FSTL4: variants seen among roughly 807,000 people sequenced by gnomAD.
The protein encoded by FSTL4 is follistatin-related protein 4.
In FSTL4, 28 loss-of-function variants were observed where a neutral mutation model predicts 78.2. The observed-to-expected ratio is 0.36, with a 90% CI of 0.27 to 0.49. FSTL4 has a LOEUF of 0.49. FSTL4 is among the 20% of genes least tolerant of loss of function. The probability of loss-of-function intolerance (pLI) is 0.98; values close to 1 mark genes in which losing one functional copy is unlikely to be tolerated. For synonymous variants in FSTL4, 422 were observed against 440.5 expected (o/e 0.96, Z 0.53); for missense variants, 922 against 1,084.9 (o/e 0.85, Z 2.11).
the FSTL4 span, among the ~76,000 whole-genome samples, chr5:133,655,523 T>C: frequency 6.6e-6 from 1 of 152,226 alleles, no homozygotes; most frequent in South Asian, 2.1e-4. Context: ...AAGAGTCATT[T>C]ACTAAACAAA....
chr5:133,450,464 G>A (rs1339001704), intron 3 of FSTL4, among the ~76,000 whole-genome samples: 1 of 152,206 alleles, frequency 6.6e-6, no homozygotes, highest in Non-Finnish European at 1.5e-5. Flanking sequence ...GAGCACTCAC[G>A]GCCCACAGGG....
the FSTL4 span, among the ~76,000 whole-genome samples, chr5:133,724,310 C>T: frequency 6.6e-6 from 1 of 152,124 alleles, no homozygotes; most frequent in Non-Finnish European, 1.5e-5. Flanking sequence ...CTCTTGGTTC[C>T]AAGATGATCC....
At chr5:133,659,358 CCTTT>C in the FSTL4 span, among the ~76,000 whole-genome samples, 1 of 151,884 alleles carries the variant, frequency 6.6e-6, no homozygotes, top group African/African-American at 2.4e-5. Context: ...CCTCATTTTC[CCTTT>C]CTAATAGTTT....
At chr5:133,353,610 C>A (rs1754876795) in intron 4 of FSTL4, among the ~76,000 whole-genome samples, 1 of 152,168 alleles carries the variant, frequency 6.6e-6, no homozygotes, top group African/African-American at 2.4e-5. Flanking sequence ...GGGGGTGGGA[C>A]AACCAGAGTC....
the FSTL4 span, among the ~76,000 whole-genome samples, chr5:133,804,246 C>T: frequency 6.6e-6 from 1 of 152,126 alleles, no homozygotes; most frequent in African/African-American, 2.4e-5. Flanking sequence ...CCACAGTGGC[C>T]CAAAGGAAAA....
the FSTL4 span, among the ~76,000 whole-genome samples, chr5:133,816,396 G>A: frequency 1.6e-4 from 24 of 152,304 alleles, no homozygotes; most frequent in South Asian, 4.4e-3. Flanking sequence ...TGCTGATTCG[G>A]ATCCTTCCAA....
chr5:133,457,525 C>G (rs1272283416), intron 3 of FSTL4, among the ~76,000 whole-genome samples: 1 of 152,214 alleles, frequency 6.6e-6, no homozygotes, highest in African/African-American at 2.4e-5. Flanking sequence ...CTCCTTTATC[C>G]AATGCCTTTC....
intron 6 of FSTL4, among the ~76,000 whole-genome samples, chr5:133,262,469 T>C (rs184508343): frequency 6.6e-6 from 1 of 152,308 alleles, no homozygotes; most frequent in Admixed American, 6.5e-5. Flanking sequence ...ACATGCATGC[T>C]TGTTCAATAC....
rs985643246 is a variant in FSTL4 at position 133,440,010 on chromosome 5, C to T, written c.161-39024G>A. Among the ~76,000 whole-genome samples, 10 of 152,158 alleles carry T rather than the reference C, an allele frequency of 6.6e-5. No homozygotes were observed. The highest frequency in any genetic ancestry group is 1.5e-4 in the Non-Finnish European group (10 of 68,020). On this transcript the variant is annotated intron_variant, in intron 3 of 15. Coordinates refer to ENST00000265342, the MANE Select transcript of FSTL4 (RefSeq NM_015082.2). The surrounding 1 kb of genome is among the most constrained non-coding windows in gnomAD (Gnocchi z 4.1). ...ATAGAGGATCTGTTCAGTCATGCTG[C>T]AGACCCACAGTTCTTAGTGAGCAGA...
At chr5:133,487,651 G>C (rs1410403685) in intron 3 of FSTL4, among the ~76,000 whole-genome samples, 12 of 152,128 alleles carry the variant, frequency 7.9e-5, no homozygotes, top group Admixed American at 7.2e-4. Context: ...AGTAAAGGAG[G>C]GTTGGCCATG....
At chr5:133,437,485 G>GT (rs11401684) in intron 3 of FSTL4, among the ~76,000 whole-genome samples, 32,677 of 95,506 alleles carry the variant, frequency 0.34, 7,140 homozygotes, top group African/African-American at 0.51. Context: ...GTAAATAGGT[G>GT]TTTTTTTTTT....
chr5:133,492,815 A>C (rs1405402222), intron 3 of FSTL4, among the ~76,000 whole-genome samples: 1 of 151,966 alleles, frequency 6.6e-6, no homozygotes, highest in African/African-American at 2.4e-5. Context: ...TTGTTCTTCA[A>C]AACTCTTAAT....
chr5:133,521,715 C>T (rs1758985159), intron 3 of FSTL4, among the ~76,000 whole-genome samples: 1 of 152,172 alleles, frequency 6.6e-6, no homozygotes, highest in African/African-American at 2.4e-5. Flanking sequence ...GAGACGAACC[C>T]TATTAACTCT....
At chr5:133,728,321 C>G in the FSTL4 span, among the ~76,000 whole-genome samples, 1 of 152,354 alleles carries the variant, frequency 6.6e-6, no homozygotes, top group East Asian at 1.9e-4. Flanking sequence ...CTCCCAGGTA[C>G]AGGTTCAGAG....
At chr5:133,492,655 A>G (rs1393791462) in intron 3 of FSTL4, among the ~76,000 whole-genome samples, 1 of 152,066 alleles carries the variant, frequency 6.6e-6, no homozygotes, top group Non-Finnish European at 1.5e-5. Context: ...ATTGTAACAT[A>G]ATTTGTATTT....
the FSTL4 span, among the ~76,000 whole-genome samples, chr5:133,745,737 C>A: frequency 2.0e-5 from 3 of 152,220 alleles, no homozygotes; most frequent in African/African-American, 7.2e-5. Flanking sequence ...GCTAAAACTG[C>A]CACTTGTCAG....
the FSTL4 span, among the ~76,000 whole-genome samples, chr5:133,783,431 G>T: frequency 1.3e-5 from 2 of 152,156 alleles, no homozygotes; most frequent in African/African-American, 4.8e-5. Flanking sequence ...AAGGCATCCT[G>T]GTTTAGGTGA....
chr5:133,301,584 A>T (rs951356778), intron 6 of FSTL4, among the ~76,000 whole-genome samples: 10 of 151,994 alleles, frequency 6.6e-5, no homozygotes, highest in African/African-American at 2.4e-4. Context: ...GTGGAGGGGG[A>T]GAGAGTCCTT....
At chr5:133,519,711 G>C (rs1317548078) in intron 3 of FSTL4, among the ~76,000 whole-genome samples, 3 of 152,142 alleles carry the variant, frequency 2.0e-5, no homozygotes, top group South Asian at 2.1e-4. Flanking sequence ...AGAGAATTTT[G>C]TTGTTTAGCA....
Sources: allele counts gnomAD v4.1 joint callset (sites outside exome capture counted in the v4.1 genomes callset), GRCh38; gene constraint gnomAD v4.1.1; non-coding constraint Gnocchi (gnomAD v3.1); transcripts MANE v1.5; gene names NCBI Gene and HGNC (gene_info 2026-07-23, HGNC 2026-07-21).